The following TENM4 variants were observed in gnomAD, a reference collection of about 807,000 sequenced individuals.
TENM4 encodes teneurin transmembrane protein 4.
TENM4 carries 82 observed loss-of-function variants against 243.3 expected under a neutral mutation model. The ratio of observed to expected loss-of-function variants is 0.34; its 90% CI spans 0.28 to 0.40. The LOEUF is 0.40. Among genes scored for constraint, TENM4 ranks in the 10% least tolerant of loss-of-function variants. TENM4 has a pLI of 1.00. For synonymous variants in TENM4, 1,412 were observed against 1,456.3 expected, an observed-to-expected ratio of 0.97 and a Z score of 0.69; for missense variants, 3,138 against 3,673.3, an observed-to-expected ratio of 0.85 and a Z score of 3.77.
intron 1 of TENM4, among the ~76,000 whole-genome samples, chr11:79,329,586 T>C (rs1857028900): frequency 3.3e-5 from 5 of 152,064 alleles, no homozygotes; most frequent in Admixed American, 3.3e-4. Context: ...TCTGAGAAGG[T>C]GGTACTTGGT....
At chr11:79,253,029 T>C (rs1855639071) in intron 2 of TENM4, among the ~76,000 whole-genome samples, 1 of 152,222 alleles carries the variant, frequency 6.6e-6, no homozygotes, top group Non-Finnish European at 1.5e-5. Flanking sequence ...GTTACCTCCA[T>C]TTTACGGTGA....
Position 78,670,420 on chromosome 11 carries a change from G to A in TENM4, c.5925C>T (p.Tyr1975=), listed in dbSNP as rs767595997. The A allele has an allele frequency of 6.2e-7, 1 of 1,614,008 alleles. No individual in the cohort carries two copies. The highest frequency in any genetic ancestry group is 1.1e-5 in the South Asian group (1 of 91,076). ...CCTCAGGGGGCTGATAGATGTTTCT[G>A]TAGTAGCCCACTGAGCGGATGGTCT... The part of the protein sequence containing the change: ...TLETIRSVGY[Y]RNIYQPPEGN... Residue 1975 remains tyrosine, a synonymous_variant, in exon 32 of 34, where the codon TAC becomes TAT. Coordinates refer to ENST00000278550, the MANE Select transcript of TENM4 (RefSeq NM_001098816.3).
intron 14 of TENM4, 61 bp downstream of exon 14, chr11:78,812,061 G>C: frequency 6.6e-7 from 1 of 1,510,592 alleles, no homozygotes; most frequent in Non-Finnish European, 8.9e-7. Flanking sequence ...CACCCTCTTG[G>C]CACTATATGC....
At chr11:79,000,535 A>C (rs538304966) in intron 6 of TENM4, among the ~76,000 whole-genome samples, 16 of 152,318 alleles carry the variant, frequency 1.1e-4, no homozygotes, top group South Asian at 6.2e-4. Context: ...TTCAGGTTTT[A>C]GTGAAATTGG....
chr11:78,770,948 C>T (rs1228063192), intron 18 of TENM4, 44 bp downstream of exon 18: 2 of 1,556,044 alleles, frequency 1.3e-6, no homozygotes, highest in South Asian at 1.2e-5. Context: ...CTGGGCCTCC[C>T]ACCCTCTGGA....
intron 3 of TENM4, among the ~76,000 whole-genome samples, chr11:79,212,283 C>A (rs1863969297): frequency 6.6e-6 from 1 of 152,152 alleles, no homozygotes; most frequent in Admixed American, 6.5e-5. Context: ...TACCACATGA[C>A]CAGAGCTGTT....
At chr11:78,835,609 C>A (rs1387017972) in intron 12 of TENM4, among the ~76,000 whole-genome samples, 1 of 152,198 alleles carries the variant, frequency 6.6e-6, no homozygotes, top group Non-Finnish European at 1.5e-5. Context: ...TCTGGCTCTT[C>A]CTCTAATTAT....
chr11:78,833,265 A>G (rs1858023524), intron 12 of TENM4, among the ~76,000 whole-genome samples: 1 of 152,170 alleles, frequency 6.6e-6, no homozygotes, highest in African/African-American at 2.4e-5. Flanking sequence ...CTCCTTTGCT[A>G]TTTCTTCCAG....
In TENM4 at chr11:78,801,263, T is replaced by C. The variant is rs139032563; in HGVS notation, c.2179+4029A>G. Among the ~76,000 whole-genome samples, 680 of 152,254 alleles carry C rather than the reference T, an allele frequency of 4.5e-3. 3 individuals are homozygous for C. Among genetic ancestry groups the C allele is most frequent in the Middle Eastern group, 6.8e-3 (2 of 294 alleles). ...TCTATCTGTTTAACAGCAACAGCAG[T>C]AGCCACCTCCCCCACCATCACTACC... On this transcript the variant is annotated intron_variant, in intron 15 of 33. Transcript: ENST00000278550.
intron 1 of TENM4, among the ~76,000 whole-genome samples, chr11:79,321,326 C>A (rs933277600): frequency 9.2e-5 from 14 of 152,206 alleles, no homozygotes; most frequent in Admixed American, 7.8e-4. Flanking sequence ...GGCTGCTACA[C>A]TTTCAGGCAA....
chr11:78,724,181 C>T (rs1489741683), intron 23 of TENM4, among the ~76,000 whole-genome samples: 2 of 152,020 alleles, frequency 1.3e-5, no homozygotes, highest in African/African-American at 2.4e-5. Context: ...AACTCCTGAG[C>T]TCAAGTGATC....
At chr11:78,914,037 A>C (rs1856259246) in intron 6 of TENM4, among the ~76,000 whole-genome samples, 1 of 152,222 alleles carries the variant, frequency 6.6e-6, no homozygotes, top group African/African-American at 2.4e-5. Flanking sequence ...TCCAAGTCTC[A>C]TAGCTTATGC....
At chr11:79,353,844 G>A (rs1857454717) in intron 1 of TENM4, among the ~76,000 whole-genome samples, 1 of 151,716 alleles carries the variant, frequency 6.6e-6, no homozygotes, top group African/African-American at 2.4e-5. Context: ...GTTTATTTAT[G>A]TAGTTTTATT....
At chr11:78,876,103 G>A (rs1171890011) in intron 9 of TENM4, among the ~76,000 whole-genome samples, 5 of 152,200 alleles carry the variant, frequency 3.3e-5, no homozygotes, top group East Asian at 1.9e-4. Context: ...CATTCCAGCC[G>A]AACAAGTTAT....
intron 6 of TENM4, among the ~76,000 whole-genome samples, chr11:79,063,528 C>T (rs1208475708): frequency 1.3e-5 from 2 of 152,190 alleles, no homozygotes; most frequent in Non-Finnish European, 2.9e-5. Flanking sequence ...TGGGGCTGTT[C>T]CTGGGCTCTG....
chr11:79,261,854 A>G (rs1397333143), intron 2 of TENM4, among the ~76,000 whole-genome samples: 1 of 152,182 alleles, frequency 6.6e-6, no homozygotes, highest in Non-Finnish European at 1.5e-5. Context: ...AGTCCCTCCA[A>G]AGAAAGATGT....
intron 25 of TENM4, among the ~76,000 whole-genome samples, chr11:78,714,030 C>T (rs1261238499): frequency 1.3e-5 from 2 of 152,234 alleles, no homozygotes; most frequent in East Asian, 3.9e-4. Flanking sequence ...CTGGTGCTGG[C>T]CATTTTCATT....
chr11:79,348,749 T>G (rs1444622304), intron 1 of TENM4, among the ~76,000 whole-genome samples: 1 of 152,186 alleles, frequency 6.6e-6, no homozygotes, highest in Non-Finnish European at 1.5e-5. Flanking sequence ...TAAATGTCTG[T>G]TGTTTAAGCC....
chr11:78,928,261 A>G (rs1291483737), intron 6 of TENM4, among the ~76,000 whole-genome samples: 2 of 152,224 alleles, frequency 1.3e-5, no homozygotes, highest in Non-Finnish European at 2.9e-5. Flanking sequence ...TAGGAGGACC[A>G]GGGCTGTCCT....
Sources: allele counts gnomAD v4.1 joint callset (sites outside exome capture counted in the v4.1 genomes callset), GRCh38; gene constraint gnomAD v4.1.1; transcripts MANE v1.5; gene names NCBI Gene and HGNC (gene_info 2026-07-23, HGNC 2026-07-21).